MAPK10: variants seen among roughly 807,000 people sequenced by gnomAD.
The protein encoded by MAPK10 is mitogen-activated protein kinase 10, also known as JNK3 alpha protein kinase.
MAPK10 carries 25 observed loss-of-function variants against 59.3 expected under a neutral mutation model. The ratio of observed to expected loss-of-function variants is 0.42; its 90% CI spans 0.31 to 0.59. MAPK10 has a LOEUF of 0.59. Among genes scored for constraint, MAPK10 ranks in the 20% least tolerant of loss-of-function variants. The pLI is 0.15. For synonymous variants in MAPK10, 190 were observed against 200.5 expected, an observed-to-expected ratio of 0.95 and a Z score of 0.44; for missense variants, 351 against 568.9, an observed-to-expected ratio of 0.62 and a Z score of 3.90.
chr4:86,474,275 A>C (rs1752891812), intron 1 of MAPK10, among the ~76,000 whole-genome samples: 2 of 152,210 alleles, frequency 1.3e-5, no homozygotes, highest in Admixed American at 1.3e-4. Context: ...AAGTTCTAAA[A>C]GTTATTGGGA....
chr4:86,478,002 A>C (rs757874338), intron 1 of MAPK10, among the ~76,000 whole-genome samples: 1 of 151,946 alleles, frequency 6.6e-6, no homozygotes, highest in African/African-American at 2.4e-5. Context: ...TTTCTTCCTC[A>C]TCTGTTACCT....
chr4:86,520,522 AT>A (rs548123447), intron 1 of MAPK10, among the ~76,000 whole-genome samples: 18 of 150,356 alleles, frequency 1.2e-4, no homozygotes, highest in Admixed American at 4.6e-4. Flanking sequence ...CATATCCTGT[AT>A]TTTTTTTTAA....
rs1399443425 is a variant in MAPK10, at chr4:86,011,093, T to C, written c.*6135A>G. 6.6e-6 allele frequency: 1 copy of C among 152,268 alleles called. No individual in the cohort carries two copies. Among genetic ancestry groups the C allele is most frequent in the Non-Finnish European group, 1.5e-5 (1 of 68,046 alleles). The allele number at this position is 152,268 out of a possible 1,614,324, so 9.4% of individuals were successfully genotyped here. A position where few individuals can be genotyped will look rare whatever the true frequency, so the allele number is the denominator to read the frequency against. On this transcript the variant is annotated 3_prime_UTR_variant, in exon 14 of 14. Transcript: ENST00000641462. ...AGAAAATTTCAAAGGAGTGTTTGACTTGTTGCTGGATGTGTCACCACATTT... is the reference window on the plus strand; with the variant it reads ...AGAAAATTTCAAAGGAGTGTTTGACCTGTTGCTGGATGTGTCACCACATTT...
chr4:86,337,923 A>G (rs925367838), intron 2 of MAPK10, among the ~76,000 whole-genome samples: 3 of 152,176 alleles, frequency 2.0e-5, no homozygotes, highest in East Asian at 1.9e-4. Flanking sequence ...CTCAAATTCC[A>G]ATTTCCTCCA....
At chr4:86,071,752 T>C (rs1392677204) in intron 9 of MAPK10, among the ~76,000 whole-genome samples, 5 of 151,072 alleles carry the variant, frequency 3.3e-5, no homozygotes, top group African/African-American at 4.9e-5. Flanking sequence ...TTGATCTATA[T>C]CTCTGTTTAG....
intron 4 of MAPK10, among the ~76,000 whole-genome samples, chr4:86,122,584 G>A (rs1410173058): frequency 6.6e-6 from 1 of 152,084 alleles, no homozygotes; most frequent in Non-Finnish European, 1.5e-5. Flanking sequence ...ATCTGCAACT[G>A]TTCTGGAAGC....
intron 1 of MAPK10, among the ~76,000 whole-genome samples, chr4:86,575,600 T>C (rs1457264074): frequency 6.6e-6 from 1 of 151,858 alleles, no homozygotes; most frequent in Admixed American, 6.6e-5. Context: ...GAATCTTGAA[T>C]GGTTATTACA....
chr4:86,028,975 A>C, intron 13 of MAPK10: 1 of 588,036 alleles, frequency 1.7e-6, no homozygotes. Flanking sequence ...AAAATTATTT[A>C]TGAAAAAGTT....
At chr4:86,052,401 G>A (rs995553611) in intron 11 of MAPK10, among the ~76,000 whole-genome samples, 6 of 151,960 alleles carry the variant, frequency 3.9e-5, no homozygotes, top group African/African-American at 1.5e-4. Context: ...AATTAAATTT[G>A]GAGTAAAGGA....
chr4:86,288,491 AG>A (rs1027575626), intron 2 of MAPK10, among the ~76,000 whole-genome samples: 2 of 152,066 alleles, frequency 1.3e-5, no homozygotes, highest in African/African-American at 4.8e-5. Flanking sequence ...TCTAAACCAG[AG>A]ATGGGCTGTA....
At chr4:86,301,511 C>T (rs2148846777) in intron 2 of MAPK10, among the ~76,000 whole-genome samples, 1 of 152,152 alleles carries the variant, frequency 6.6e-6, no homozygotes, top group South Asian at 2.1e-4. Flanking sequence ...AACTGAAGCT[C>T]CATATAATAT....
chr4:86,130,382 C>G (rs1309477468), intron 4 of MAPK10, among the ~76,000 whole-genome samples: 1 of 151,870 alleles, frequency 6.6e-6, no homozygotes, highest in Admixed American at 6.6e-5. Context: ...GTTTCTTGTA[C>G]TCAAAGAACT....
chr4:86,498,098 C>G (rs572864038), intron 1 of MAPK10, among the ~76,000 whole-genome samples: 1 of 152,354 alleles, frequency 6.6e-6, no homozygotes, highest in East Asian at 1.9e-4. Flanking sequence ...TCTGTTTTGG[C>G]TGCTGTCATG....
intron 1 of MAPK10, among the ~76,000 whole-genome samples, chr4:86,480,401 A>G (rs1753511711): frequency 6.6e-6 from 1 of 151,324 alleles, no homozygotes; most frequent in Non-Finnish European, 1.5e-5. Flanking sequence ...AAATGACCCC[A>G]CCCCTATCTC....
intron 6 of MAPK10, 80 bp from the exon 7 acceptor site, chr4:86,102,112 A>G (rs2055528338): frequency 7.9e-7 from 1 of 1,265,712 alleles, no homozygotes; most frequent in Non-Finnish European, 1.1e-6. Context: ...TGCTCTCCTA[A>G]CTCTGTAAGT....
intron 11 of MAPK10, among the ~76,000 whole-genome samples, chr4:86,063,281 A>C (rs1440797519): frequency 6.6e-6 from 1 of 152,234 alleles, no homozygotes; most frequent in Non-Finnish European, 1.5e-5. Flanking sequence ...ATGGTGAAGC[A>C]GAGGAAAGAA....
intron 11 of MAPK10, among the ~76,000 whole-genome samples, chr4:86,035,828 A>G (rs1046669858): frequency 1.3e-5 from 2 of 152,120 alleles, no homozygotes; most frequent in Admixed American, 1.3e-4. Context: ...AGAGATGATG[A>G]TTTGAAAGTT....
upstream of MAPK10, among the ~76,000 whole-genome samples, chr4:86,453,808 G>A (rs150269064): frequency 2.6e-5 from 4 of 152,166 alleles, no homozygotes; most frequent in East Asian, 1.9e-4. Flanking sequence ...AGGCCAACCA[G>A]CACAAAAATT....
intron 13 of MAPK10, chr4:86,028,479 A>T (rs1751460115): frequency 6.6e-6 from 1 of 152,134 alleles, no homozygotes; most frequent in Admixed American, 6.6e-5. Flanking sequence ...ACAACACCCT[A>T]ATCAGTTTTT....
Sources: gnomAD v4.1 joint callset for allele counts (sites outside exome capture counted in the v4.1 genomes callset) on GRCh38, gnomAD v4.1.1 for gene constraint, MANE v1.5 for transcripts, NCBI Gene and HGNC (gene_info 2026-07-23, HGNC 2026-07-21) for gene names.